Variants in THEM4 observed in about 807,000 individuals in gnomAD.
The protein encoded by THEM4 is thioesterase superfamily member 4.
Under a neutral mutation model 25.0 loss-of-function variants are expected in THEM4, and 22 were observed. The observed-to-expected ratio is 0.88, with a 90% CI of 0.63 to 1.26. The LOEUF (loss-of-function observed/expected upper bound fraction) is 1.26, where lower values mean the gene tolerates loss of function less well. Ranked by LOEUF, THEM4 falls within the 50% of genes most tolerant of loss-of-function variation. The pLI is 0.00. For synonymous variants in THEM4, 113 were observed against 105.6 expected, an observed-to-expected ratio of 1.07 and a Z score of -0.43; for missense variants, 286 against 300.3, an observed-to-expected ratio of 0.95 and a Z score of 0.35.
chr1:151,888,390 A>G lies in THEM4; in HGVS notation c.447-7T>C. 1 of 1,599,518 alleles carries G rather than the reference A, an allele frequency of 6.3e-7. No homozygotes were observed. Among genetic ancestry groups the G allele is most frequent in the South Asian group, 1.1e-5 (1 of 89,552 alleles). ...GGCACCTCCATGAATGAATCTAGTT[A>G]CAACAGGAGTGGAGGAGAAATGTTT... On this transcript the variant is annotated splice_polypyrimidine_tract_variant and splice_region_variant and intron_variant, in intron 3 of 5. Coordinates refer to ENST00000368814, the MANE Select transcript of THEM4 (RefSeq NM_053055.5).
chr1:151,901,488 G>A (rs1459583060), intron 1 of THEM4, among the ~76,000 whole-genome samples: 1 of 152,122 alleles, frequency 6.6e-6, no homozygotes, highest in Non-Finnish European at 1.5e-5. Context: ...ATTATATCAA[G>A]CACTCTCTCA....
At chr1:151,893,876 G>T (rs139294970) in intron 2 of THEM4, among the ~76,000 whole-genome samples, 7 of 151,478 alleles carry the variant, frequency 4.6e-5, no homozygotes, top group Admixed American at 6.6e-5. Context: ...TTTTTGTAGG[G>T]GGGGAGACAG....
chr1:151,903,232 C>G (rs1017116299), intron 1 of THEM4, among the ~76,000 whole-genome samples: 1 of 152,128 alleles, frequency 6.6e-6, no homozygotes, highest in East Asian at 1.9e-4. Context: ...ACCCATCTCT[C>G]CCTCTTAATA....
chr1:151,881,000 A>G (rs1653800074), intron 4 of THEM4, among the ~76,000 whole-genome samples: 1 of 151,822 alleles, frequency 6.6e-6, no homozygotes, highest in Non-Finnish European at 1.5e-5. Flanking sequence ...ATTGTTTTAG[A>G]TATTAGTTAT....
chr1:151,891,175 A>G (rs1182713569), intron 2 of THEM4: 3 of 152,222 alleles, frequency 2.0e-5, no homozygotes, highest in African/African-American at 7.2e-5. Context: ...TTGCATTTTA[A>G]CAAGATTCCT....
chr1:151,878,891 T>TACACACAC (rs55900104), intron 4 of THEM4, among the ~76,000 whole-genome samples: 25 of 138,642 alleles, frequency 1.8e-4, no homozygotes, highest in South Asian at 9.1e-4. Flanking sequence ...TATATGTCTA[T>TACACACAC]ACACACACAC....
chr1:151,888,352 T>C lies in THEM4; in HGVS notation c.478A>G (p.Ile160Val), dbSNP rs1210446683. Reference protein sequence around the residue: ...FIHGGAIATMIDATVGMCAMM... With the variant: ...FIHGGAIATMVDATVGMCAMM... ...GCACACATACCAACAGTAGCATCAA[T>C]CATGGTTGCAATGGCACCTCCATGA... The change falls in exon 4 of 6, where the codon ATT becomes GTT. Residue 160 changes from isoleucine (I) to valine (V), a missense_variant. By Grantham distance (29) the Ile-to-Val change is conservative. Transcript: ENST00000368814. 1 of 1,613,246 alleles carries C rather than the reference T, an allele frequency of 6.2e-7. No homozygotes were observed. Among genetic ancestry groups the C allele is most frequent in the Non-Finnish European group, 8.5e-7 (1 of 1,179,670 alleles).
intron 4 of THEM4, among the ~76,000 whole-genome samples, chr1:151,887,252 A>G (rs1358761366): frequency 6.6e-6 from 1 of 152,126 alleles, no homozygotes; most frequent in African/African-American, 2.4e-5. Flanking sequence ...AACAAAGTGA[A>G]ACACTGTCTC....
chr1:151,871,462 T>C lies in THEM4; in HGVS notation c.*3426A>G, dbSNP rs187795397. Among the ~76,000 whole-genome samples the C allele has an allele frequency of 1.3e-5, 2 of 152,374 alleles. No individual in the cohort carries two copies. Among genetic ancestry groups the C allele is most frequent in the Admixed American group, 1.3e-4 (2 of 15,302 alleles). Reference sequence around the variant, plus strand: ...AATTCTGATAGCATCTCTCTCCTTCTTTCTACCTGTTCTGCCACCTTTTGT... The same window carrying C: ...AATTCTGATAGCATCTCTCTCCTTCCTTCTACCTGTTCTGCCACCTTTTGT... On this transcript the variant is annotated 3_prime_UTR_variant, in exon 6 of 6. Coordinates refer to ENST00000368814, the MANE Select transcript of THEM4 (RefSeq NM_053055.5).
At chr1:151,906,337 C>T (rs533143333) in intron 1 of THEM4, among the ~76,000 whole-genome samples, 21 of 152,378 alleles carry the variant, frequency 1.4e-4, no homozygotes, top group South Asian at 6.2e-4. Flanking sequence ...ACTGGCGCTG[C>T]GCTCGATTTC....
At chr1:151,878,995 T>G (rs1467075271) in intron 4 of THEM4, among the ~76,000 whole-genome samples, 2 of 148,250 alleles carry the variant, frequency 1.3e-5, no homozygotes, top group Admixed American at 1.3e-4. Context: ...GCAAGACAGA[T>G]CAAGACAATG....
intron 4 of THEM4, among the ~76,000 whole-genome samples, chr1:151,885,452 A>G (rs2101720829): frequency 6.6e-6 from 1 of 152,290 alleles, no homozygotes; most frequent in South Asian, 2.1e-4. Flanking sequence ...CTCATACTTT[A>G]TTCATTTATA....
chr1:151,898,191 CA>C (rs1379111761), intron 1 of THEM4, among the ~76,000 whole-genome samples: 2 of 152,150 alleles, frequency 1.3e-5, no homozygotes, highest in African/African-American at 4.8e-5. Context: ...AAGCCTCAGA[CA>C]AGTTTTCAAG....
rs1653570214 is a variant in THEM4 at position 151,872,237 on chromosome 1, ATCCCAGG to A, written c.*2644_*2650del. On this transcript the variant is annotated 3_prime_UTR_variant, in exon 6 of 6. Coordinates refer to ENST00000368814, the MANE Select transcript of THEM4 (RefSeq NM_053055.5). ...ATGTGGGTCTTCCTCTGGCTTGGCC[ATCCCAGG>A]TCAGTCAGCTCTGGCAATGGAGGGC... is the stretch of plus-strand genomic sequence containing the variant. Among the ~76,000 whole-genome samples the A allele has an allele frequency of 6.6e-6, 1 of 152,182 alleles. No homozygotes were observed. Among genetic ancestry groups the A allele is most frequent in the African/African-American group, 2.4e-5 (1 of 41,446 alleles).
intron 1 of THEM4, among the ~76,000 whole-genome samples, chr1:151,904,476 A>T (rs888177733): frequency 6.6e-6 from 1 of 152,246 alleles, no homozygotes; most frequent in African/African-American, 2.4e-5. Context: ...TTAAAGAATC[A>T]TGAAAGCACT....
chr1:151,894,426 G>C (rs1229219800), intron 2 of THEM4, among the ~76,000 whole-genome samples: 3 of 152,166 alleles, frequency 2.0e-5, no homozygotes, highest in African/African-American at 7.2e-5. Flanking sequence ...ACAGTAATGT[G>C]AGATGTTAAT....
chr1:151,895,665 T>C lies in THEM4; in HGVS notation c.100-471A>G, dbSNP rs972089304. Among the ~76,000 whole-genome samples, 12 of 122,532 alleles carry C rather than the reference T, an allele frequency of 9.8e-5. No homozygotes were observed. The Middle Eastern group carries it at 0.012, about 118-fold the overall frequency. 80.4% of individuals were successfully genotyped at this position (122,532 alleles called of 152,430 possible). A position where few individuals can be genotyped will look rare whatever the true frequency, so the allele number is the denominator to read the frequency against. On this transcript the variant is annotated intron_variant, in intron 1 of 5. Coordinates refer to ENST00000368814, the MANE Select transcript of THEM4 (RefSeq NM_053055.5). ...ATTAGATAAGCAGAAATTAGCCAGCTGGAAAAAGTATTACAGGAAAAAAAA... is the reference window on the plus strand; with the variant it reads ...ATTAGATAAGCAGAAATTAGCCAGCCGGAAAAAGTATTACAGGAAAAAAAA...
chr1:151,870,874 C>T lies in THEM4; in HGVS notation c.*4014G>A, dbSNP rs1653536038. On this transcript the variant is annotated 3_prime_UTR_variant, in exon 6 of 6. Coordinates refer to ENST00000368814, the MANE Select transcript of THEM4 (RefSeq NM_053055.5). Reference sequence around the variant, plus strand: ...ATTCTTCCAACAATATATTTCTGTACATGACTCTCATTTTATTGTTTCTTA... The same window carrying T: ...ATTCTTCCAACAATATATTTCTGTATATGACTCTCATTTTATTGTTTCTTA... Among the ~76,000 whole-genome samples, 1 of 152,148 alleles carries T rather than the reference C, an allele frequency of 6.6e-6. No homozygotes were observed. The highest frequency in any genetic ancestry group is 2.4e-5 in the African/African-American group (1 of 41,428).
intron 1 of THEM4, among the ~76,000 whole-genome samples, chr1:151,904,962 T>C (rs1271040439): frequency 1.3e-5 from 2 of 152,244 alleles, no homozygotes; most frequent in East Asian, 3.9e-4. Flanking sequence ...ATAGAAATAA[T>C]AAAGGTTTCA....
Sources: allele counts gnomAD v4.1 joint callset (sites outside exome capture counted in the v4.1 genomes callset), GRCh38; gene constraint gnomAD v4.1.1; transcripts MANE v1.5; gene names NCBI Gene and HGNC (gene_info 2026-07-23, HGNC 2026-07-21).